B3GALT1: variants seen among roughly 807,000 people sequenced by gnomAD.
B3GALT1 encodes the protein UDP-Gal:betaGlcNAc beta 1,3-galactosyltransferase, polypeptide 1.
Under a neutral mutation model 23.2 loss-of-function variants are expected in B3GALT1, and 10 were observed. The ratio of observed to expected loss-of-function variants is 0.43; its 90% confidence interval spans 0.27 to 0.73. The LOEUF is 0.73. Ranked by LOEUF, B3GALT1 falls within the 30% of genes least tolerant of loss-of-function variation. The pLI, the probability that B3GALT1 is intolerant of heterozygous loss-of-function variation, is 0.21. For missense variants in B3GALT1, 299 were observed against 405.4 expected (o/e 0.74, Z 2.25); for synonymous variants, 156 against 141.5 (o/e 1.10, Z -0.73).
At chr2:167,355,693 T>C (rs1553514385) in intron 1 of B3GALT1, among the ~76,000 whole-genome samples, 1 of 152,208 alleles carries the variant, frequency 6.6e-6, no homozygotes, top group Non-Finnish European at 1.5e-5. Flanking sequence ...TTCAGAATAC[T>C]TTTTAAAATT....
At chr2:167,817,622 C>T (rs2105360531) in intron 3 of B3GALT1, among the ~76,000 whole-genome samples, 1 of 152,302 alleles carries the variant, frequency 6.6e-6, no homozygotes, top group East Asian at 1.9e-4. Context: ...CCACTTGTGC[C>T]TCTGTCCATA....
At chr2:167,571,635 C>T (rs1387549576) in intron 2 of B3GALT1, among the ~76,000 whole-genome samples, 1 of 151,788 alleles carries the variant, frequency 6.6e-6, no homozygotes, top group Non-Finnish European at 1.5e-5. Flanking sequence ...ACTTATAAAC[C>T]AGAGTTCCAA....
chr2:167,307,530 A>G (rs1696568946), intron 1 of B3GALT1, among the ~76,000 whole-genome samples: 1 of 152,034 alleles, frequency 6.6e-6, no homozygotes, highest in Non-Finnish European at 1.5e-5. Flanking sequence ...GAGTGCACTA[A>G]TAAGTAGATG....
rs114217502 is a variant in B3GALT1 at position 167,357,538 on chromosome 2, A to C, written c.-511+64204A>C. 3.2e-3 allele frequency among the ~76,000 whole-genome samples: 494 copies of C among 152,230 alleles called. 4 individuals are homozygous for C. Among genetic ancestry groups the C allele is most frequent in the African/African-American group, 0.011 (449 of 41,558 alleles). ...AGTTCATCACTTGGGTAGTTTGTTA[A>C]AGAGGAATTTTCTTCCTCTTTTTGA... On this transcript the variant is annotated intron_variant, in intron 1 of 4. Transcript: ENST00000392690.
intron 2 of B3GALT1, among the ~76,000 whole-genome samples, chr2:167,612,417 C>T (rs1685083918): frequency 6.7e-6 from 1 of 148,646 alleles, no homozygotes; most frequent in Admixed American, 6.7e-5. Context: ...CTTCCTACTA[C>T]AACTTGTTCA....
chr2:167,558,086 A>G (rs192169697), intron 2 of B3GALT1: 8 of 152,330 alleles, frequency 5.3e-5, no homozygotes, highest in African/African-American at 1.9e-4. Context: ...GTTCTGGTTA[A>G]AACTGAGGTG....
In B3GALT1 at chr2:167,652,859, G is replaced by A. The variant is rs577718832; in HGVS notation, c.-352+5893G>A. ...TATGTCTTTCTTTTTATCACTAAAT[G>A]CCACATTTTCATACATCTTTTAACT... On this transcript the variant is annotated intron_variant, in intron 3 of 4. Transcript: ENST00000392690. 2.6e-4 allele frequency among the ~76,000 whole-genome samples: 40 copies of A among 152,162 alleles called. 1 individual carries two copies. The East Asian group carries it at 7.5e-3, about 29-fold the overall frequency.
At chr2:167,654,734 A>C (rs1246488498) in intron 3 of B3GALT1, among the ~76,000 whole-genome samples, 1 of 149,636 alleles carries the variant, frequency 6.7e-6, no homozygotes, top group Non-Finnish European at 1.5e-5. Context: ...GGCTTCAAGA[A>C]CTCCTCCTAC....
intron 2 of B3GALT1, among the ~76,000 whole-genome samples, chr2:167,527,670 C>T (rs968506718): frequency 4.6e-5 from 7 of 152,084 alleles, no homozygotes; most frequent in African/African-American, 1.7e-4. Context: ...TTTTTCATAA[C>T]ATAATAATCG....
chr2:167,333,978 A>C (rs1173304264), intron 1 of B3GALT1, among the ~76,000 whole-genome samples: 1 of 151,972 alleles, frequency 6.6e-6, no homozygotes, highest in Non-Finnish European at 1.5e-5. Context: ...TTTTTGTGTC[A>C]TTATTTTTTT....
In B3GALT1 at chr2:167,595,442, T is replaced by C. The variant is rs375361855; in HGVS notation, c.-409-51467T>C. Among the ~76,000 whole-genome samples the C allele has an allele frequency of 1.1e-4, 17 of 152,324 alleles. No individual in the cohort carries two copies. In the East Asian group the frequency reaches 1.2e-3, roughly 10 times the overall value. ...GTTAAATCATAGGTGACTAAAAGCC[T>C]TCAGACTGTTGGATAAAATTTTGAA... On this transcript the variant is annotated intron_variant, in intron 2 of 4. Coordinates refer to ENST00000392690, the MANE Select transcript of B3GALT1 (RefSeq NM_020981.4).
At chr2:167,689,709 G>A (rs1177516994) in intron 3 of B3GALT1, among the ~76,000 whole-genome samples, 2 of 152,108 alleles carry the variant, frequency 1.3e-5, no homozygotes, top group Non-Finnish European at 2.9e-5. Context: ...ACAGGCATAT[G>A]ATCACCCAGA....
chr2:167,697,581 CA>C (rs1686807530), intron 3 of B3GALT1, among the ~76,000 whole-genome samples: 1 of 152,190 alleles, frequency 6.6e-6, no homozygotes, highest in Admixed American at 6.5e-5. Context: ...GTCTCAGTAA[CA>C]AAACCTTCAT....
chr2:167,505,605 G>A (rs1574107922), intron 2 of B3GALT1, among the ~76,000 whole-genome samples: 2 of 152,152 alleles, frequency 1.3e-5, no homozygotes, highest in East Asian at 3.9e-4. Context: ...GAGGTGTTCA[G>A]TGTATGTGGA....
intron 1 of B3GALT1, among the ~76,000 whole-genome samples, chr2:167,324,354 T>C (rs1463065697): frequency 1.3e-5 from 2 of 152,088 alleles, no homozygotes; most frequent in Non-Finnish European, 2.9e-5. Context: ...CTACTTGTTT[T>C]GATTGTCTTA....
At chr2:167,537,266 A>G (rs946536860) in intron 2 of B3GALT1, among the ~76,000 whole-genome samples, 2 of 152,032 alleles carry the variant, frequency 1.3e-5, no homozygotes, top group African/African-American at 4.8e-5. Flanking sequence ...TGAAAACAGT[A>G]TGGGGGAAAC....
intron 3 of B3GALT1, among the ~76,000 whole-genome samples, chr2:167,758,486 G>A (rs1329027112): frequency 6.6e-6 from 1 of 152,098 alleles, no homozygotes; most frequent in South Asian, 2.1e-4. Context: ...CATCCTAATG[G>A]GTCATGGAGC....
intron 1 of B3GALT1, among the ~76,000 whole-genome samples, chr2:167,405,313 A>G (rs1698259068): frequency 6.6e-6 from 1 of 152,152 alleles, no homozygotes; most frequent in Non-Finnish European, 1.5e-5. Flanking sequence ...CTATGTTTTA[A>G]TAATACTTTT....
At chr2:167,644,634 G>T (rs1685712006) in intron 2 of B3GALT1, among the ~76,000 whole-genome samples, 9 of 151,828 alleles carry the variant, frequency 5.9e-5, no homozygotes, top group Admixed American at 5.9e-4. Flanking sequence ...CAAAAAATTA[G>T]CCAGGCATGG....
Sources: gnomAD v4.1 joint callset for allele counts (sites outside exome capture counted in the v4.1 genomes callset) on GRCh38, gnomAD v4.1.1 for gene constraint, MANE v1.5 for transcripts, NCBI Gene and HGNC (gene_info 2026-07-23, HGNC 2026-07-21) for gene names.